The following SLC4A10 variants were observed in gnomAD, a reference collection of about 807,000 sequenced individuals.
SLC4A10 encodes sodium-driven chloride bicarbonate exchanger.
Under a neutral mutation model 137.7 loss-of-function variants are expected in SLC4A10, and 42 were observed. That is an observed-to-expected ratio of 0.30 (90% CI 0.24 to 0.39). The LOEUF is 0.39. SLC4A10 is among the 10% of genes least tolerant of loss of function. SLC4A10 has a pLI of 1.00. For synonymous variants in SLC4A10, 474 were observed against 464.1 expected (o/e 1.02, Z -0.27); for missense variants, 925 against 1,355.0 (o/e 0.68, Z 4.98).
chr2:161,725,026 A>G (rs779823611), intron 1 of SLC4A10, among the ~76,000 whole-genome samples: 4 of 152,174 alleles, frequency 2.6e-5, no homozygotes, highest in Non-Finnish European at 4.4e-5. Context: ...CTTGGCACAT[A>G]GTTACTGCTT....
chr2:161,828,931 C>G (rs1239685127), intron 3 of SLC4A10, among the ~76,000 whole-genome samples: 1 of 149,186 alleles, frequency 6.7e-6, no homozygotes, highest in East Asian at 1.9e-4. Context: ...CTAAATTATT[C>G]TATTAGAATA....
rs1278572698 is a variant in SLC4A10 at position 161,950,696 on chromosome 2, G to C, written c.2389G>C (p.Asp797His). The change falls in exon 19 of 27, where the codon GAT (aspartate) becomes CAT (histidine). Residue 797 changes from aspartate to histidine, a missense_variant. This residue lies in a region of SLC4A10 where 82 missense variants were observed against 151.4 expected (regional missense o/e 0.54). Coordinates refer to ENST00000446997, the MANE Select transcript of SLC4A10 (RefSeq NM_001178015.2). ...QVPSVFKPTR[D>H]DRGWFVTPLG... ...TCTTTACTTTATACAGCCCACTAGA[G>C]ATGATCGTGGCTGGTTTGTTACGCC... The C allele has an allele frequency of 1.0e-5, 16 of 1,586,510 alleles. No homozygotes were observed. The highest frequency in any genetic ancestry group is 1.4e-5 in the Non-Finnish European group (16 of 1,164,682).
chr2:161,864,996 A>C (rs188793922), intron 6 of SLC4A10, among the ~76,000 whole-genome samples: 3 of 152,146 alleles, frequency 2.0e-5, no homozygotes, highest in African/African-American at 7.2e-5. Flanking sequence ...GATTTTATAA[A>C]AATGAACTTT....
intron 1 of SLC4A10, among the ~76,000 whole-genome samples, chr2:161,635,799 A>T (rs1038860937): frequency 1.3e-5 from 2 of 152,080 alleles, no homozygotes; most frequent in African/African-American, 2.4e-5. Context: ...TTGTGCTGTT[A>T]ATCACTGGTC....
intron 4 of SLC4A10, 91 bp downstream of exon 4, chr2:161,840,018 C>G: frequency 6.8e-7 from 1 of 1,464,738 alleles, no homozygotes; most frequent in Non-Finnish European, 9.5e-7. Context: ...TTGCAAACAT[C>G]TATGATTGCT....
At chr2:161,740,709 G>A (rs1471759664) in intron 1 of SLC4A10, among the ~76,000 whole-genome samples, 2 of 152,006 alleles carry the variant, frequency 1.3e-5, no homozygotes, top group African/African-American at 4.8e-5. Flanking sequence ...TGTGGTCTTG[G>A]AAATCTTACT....
At chr2:161,767,251 TA>T (rs2125399567) in intron 1 of SLC4A10, among the ~76,000 whole-genome samples, 1 of 142,614 alleles carries the variant, frequency 7.0e-6, no homozygotes. Context: ...TATATATATA[TA>T]TATTCAGGCT....
intron 2 of SLC4A10, among the ~76,000 whole-genome samples, chr2:161,786,186 T>G (rs2053603231): frequency 6.7e-6 from 1 of 150,070 alleles, no homozygotes; most frequent in Admixed American, 6.6e-5. Context: ...ATTCTTTGTC[T>G]TTTTTTTAAC....
At position 161,762,841 on chromosome 2, in the gene SLC4A10, T is replaced by C. The variant is rs557915239; in HGVS notation, c.49-8132T>C. 4.6e-5 allele frequency among the ~76,000 whole-genome samples: 7 copies of C among 152,164 alleles called. No homozygotes were observed. In the South Asian group the frequency reaches 1.4e-3, roughly 31 times the overall value. ...AATGAGAATTGAAAAGTTTGAAACC[T>C]TTGAAAATGAAAAACACTTAAAAAA... On this transcript the variant is annotated intron_variant, in intron 1 of 26. Coordinates refer to ENST00000446997, the MANE Select transcript of SLC4A10 (RefSeq NM_001178015.2).
chr2:161,653,176 G>A (rs2037046224), intron 1 of SLC4A10, among the ~76,000 whole-genome samples: 1 of 152,102 alleles, frequency 6.6e-6, no homozygotes, highest in Admixed American at 6.5e-5. Flanking sequence ...CAAAGGACAT[G>A]AACTCATCCT....
intron 2 of SLC4A10, among the ~76,000 whole-genome samples, chr2:161,773,534 CTT>C (rs1264208471): frequency 1.3e-5 from 2 of 151,806 alleles, no homozygotes; most frequent in African/African-American, 4.8e-5. Flanking sequence ...AAAATAAACT[CTT>C]AAAATTTTAC....
chr2:161,821,333 T>C (rs1026503453), intron 3 of SLC4A10, among the ~76,000 whole-genome samples: 1 of 152,232 alleles, frequency 6.6e-6, no homozygotes, highest in East Asian at 1.9e-4. Flanking sequence ...TTCCATTATA[T>C]GTTTTAGTAT....
At chr2:161,855,796 G>T (rs186141169) in intron 5 of SLC4A10, among the ~76,000 whole-genome samples, 92 of 152,016 alleles carry the variant, frequency 6.1e-4, no homozygotes, top group African/African-American at 2.2e-3. Context: ...AGACAGAAAT[G>T]AATTTTGAAA....
chr2:161,652,430 C>A (rs1282795445), intron 1 of SLC4A10, among the ~76,000 whole-genome samples: 1 of 152,106 alleles, frequency 6.6e-6, no homozygotes, highest in African/African-American at 2.4e-5. Flanking sequence ...AAGATATACA[C>A]ACACACACAC....
intron 1 of SLC4A10, among the ~76,000 whole-genome samples, chr2:161,765,625 A>AC (rs59569537): frequency 6.6e-6 from 1 of 151,358 alleles, no homozygotes; most frequent in African/African-American, 2.4e-5. Context: ...AAAAAAAAAA[A>AC]GTGTATCCTG....
intron 6 of SLC4A10, among the ~76,000 whole-genome samples, chr2:161,865,534 T>G (rs569050210): frequency 6.6e-6 from 1 of 152,056 alleles, no homozygotes; most frequent in African/African-American, 2.4e-5. Flanking sequence ...TAAGTATTGT[T>G]GTAGAGTATG....
chr2:161,661,311 C>G (rs2038362147), intron 1 of SLC4A10, among the ~76,000 whole-genome samples: 1 of 152,178 alleles, frequency 6.6e-6, no homozygotes, highest in Non-Finnish European at 1.5e-5. Flanking sequence ...CCCGTCTCTA[C>G]TAAAAATACA....
chr2:161,771,574 A>G (rs905946101), intron 2 of SLC4A10, among the ~76,000 whole-genome samples: 2 of 151,880 alleles, frequency 1.3e-5, no homozygotes, highest in Non-Finnish European at 2.9e-5. Context: ...TTCAAATACC[A>G]GTGCTGCCCC....
chr2:161,941,314 G>A (rs910858200), intron 15 of SLC4A10, among the ~76,000 whole-genome samples: 1 of 152,158 alleles, frequency 6.6e-6, no homozygotes, highest in African/African-American at 2.4e-5. Context: ...CTGCAAGTGG[G>A]AAATGGAGCC....
Sources: allele counts gnomAD v4.1 joint callset (sites outside exome capture counted in the v4.1 genomes callset), GRCh38; gene constraint gnomAD v4.1.1; regional missense constraint gnomAD v4.1.1; transcripts MANE v1.5; gene names NCBI Gene and HGNC (gene_info 2026-07-23, HGNC 2026-07-21).